ARFGEF2: variants seen among roughly 807,000 people sequenced by gnomAD.
ARFGEF2 encodes the protein brefeldin A-inhibited guanine nucleotide-exchange protein 2.
Under a neutral mutation model 219.9 loss-of-function variants are expected in ARFGEF2, and 74 were observed. The observed-to-expected ratio is 0.34, with a 90% confidence interval of 0.28 to 0.41. The LOEUF is 0.41. ARFGEF2 is among the 10% of genes least tolerant of loss of function. The pLI is 1.00. For synonymous variants in ARFGEF2, 733 were observed against 799.2 expected (o/e 0.92, Z 1.40); for missense variants, 1,743 against 2,218.3 (o/e 0.79, Z 4.30).
rs889149743 is a variant in ARFGEF2 at position 48,921,787 on chromosome 20, G to A, written c.-103G>A. The A allele has an allele frequency of 2.6e-6, 3 of 1,149,024 alleles. No individual in the cohort carries two copies. Among genetic ancestry groups the A allele is most frequent in the Non-Finnish European group, 3.2e-6 (3 of 925,656 alleles). The allele number at this position is 1,149,024 out of a possible 1,614,324, so 71.2% of individuals were successfully genotyped here. A position where few individuals can be genotyped will look rare whatever the true frequency, so the allele number is the denominator to read the frequency against. On this transcript the variant is annotated 5_prime_UTR_variant, in exon 1 of 39. Transcript: ENST00000371917. Reference sequence around the variant, plus strand: ...CGCTTCCTGACGGGGCGGCGCGGACGGACGCGGCCGGTGCCGGCCGGGACG... The same window carrying A: ...CGCTTCCTGACGGGGCGGCGCGGACAGACGCGGCCGGTGCCGGCCGGGACG...
At chr20:48,946,903 G>A (rs759204319) in intron 3 of ARFGEF2, among the ~76,000 whole-genome samples, 6 of 151,992 alleles carry the variant, frequency 3.9e-5, no homozygotes, top group Non-Finnish European at 7.4e-5. Flanking sequence ...CTGGACTCAT[G>A]TAATCCTCCC....
At position 48,951,306 on chromosome 20, in the gene ARFGEF2, G is replaced by A. The variant is rs2091069476; in HGVS notation, c.277-17G>A. The A allele has an allele frequency of 3.1e-6, 5 of 1,613,786 alleles. No individual in the cohort carries two copies. The East Asian group carries it at 8.9e-5, about 29-fold the overall frequency. ...AGCCAAGCAGAAATGTATAATCTCT[G>A]TTCTTTCTCTCTTTAGAAACTCATC... is the stretch of plus-strand genomic sequence containing the variant. On this transcript the variant is annotated splice_polypyrimidine_tract_variant and intron_variant, in intron 3 of 38. Coordinates refer to ENST00000371917, the MANE Select transcript of ARFGEF2 (RefSeq NM_006420.3).
At chr20:48,971,091 C>T in intron 9 of ARFGEF2, 29 bp from the exon 10 acceptor site, 1 of 1,587,032 alleles carries the variant, frequency 6.3e-7, no homozygotes, top group Non-Finnish European at 8.7e-7. Flanking sequence ...TCTTTTAGCA[C>T]TGTTGTGGTT....
rs1225924537 is a variant in ARFGEF2 at position 48,941,190 on chromosome 20, C to T, written c.122-9C>T. On this transcript the variant is annotated splice_polypyrimidine_tract_variant and intron_variant, in intron 1 of 38. Coordinates refer to ENST00000371917, the MANE Select transcript of ARFGEF2 (RefSeq NM_006420.3). ...TTTCCTAATGTGTTTTTTCTTCCTT[C>T]CTTACCAGATGAAATTAAAGCAGAA... 1 of 1,612,532 alleles carries T rather than the reference C, an allele frequency of 6.2e-7. No individual in the cohort carries two copies. Among genetic ancestry groups the T allele is most frequent in the Non-Finnish European group, 8.5e-7 (1 of 1,179,084 alleles).
At position 48,953,676 on chromosome 20, in the gene ARFGEF2, C is replaced by T; in HGVS notation, c.724C>T (p.Pro242Ser). The change falls in exon 6 of 39, where the codon CCA becomes TCA. Residue 242 changes from proline to serine, a missense_variant. Physicochemically the swap from Pro to Ser is moderately conservative, Grantham distance 74. This residue lies in a region of ARFGEF2 where 394 missense variants were observed against 426.6 expected (regional missense o/e 0.92). Coordinates refer to ENST00000371917, the MANE Select transcript of ARFGEF2 (RefSeq NM_006420.3). The stretch of plus-strand genomic sequence containing the variant: ...GAAGCACAGTCAGGCACAAAGCAAA[C>T]CAACAACTCCCGAAAAAACAGATTT... ...RLKHSQAQSK[P>S]TTPEKTDLTN... is the part of the protein sequence containing the mutation. 1 of 1,614,164 alleles carries T rather than the reference C, an allele frequency of 6.2e-7. No homozygotes were observed. Among genetic ancestry groups the T allele is most frequent in the Non-Finnish European group, 8.5e-7 (1 of 1,180,044 alleles).
At chr20:48,982,062 G>A (rs151300905) in intron 14 of ARFGEF2, among the ~76,000 whole-genome samples, 2 of 152,246 alleles carry the variant, frequency 1.3e-5, no homozygotes, top group East Asian at 3.9e-4. Flanking sequence ...GAAAAGAGGT[G>A]CTCTGGTTTT....
At chr20:49,023,531 T>G (rs536189993) in intron 35 of ARFGEF2, among the ~76,000 whole-genome samples, 11 of 63,252 alleles carry the variant, frequency 1.7e-4, no homozygotes, top group African/African-American at 9.8e-4. Flanking sequence ...TGGTTTTTTT[T>G]TTTTTGTTTT....
At chr20:49,014,506 C>G (rs919856050) in intron 30 of ARFGEF2, among the ~76,000 whole-genome samples, 1 of 151,914 alleles carries the variant, frequency 6.6e-6, no homozygotes, top group Non-Finnish European at 1.5e-5. Flanking sequence ...CTTCTCTCAC[C>G]GCAACATAAA....
chr20:48,986,263 A>G (rs1263189246), intron 16 of ARFGEF2, among the ~76,000 whole-genome samples: 2 of 152,184 alleles, frequency 1.3e-5, no homozygotes. Context: ...TGAGAGATTG[A>G]GCAACCTGTC....
At chr20:49,024,215 T>C (rs2091586744) in intron 35 of ARFGEF2, among the ~76,000 whole-genome samples, 1 of 151,418 alleles carries the variant, frequency 6.6e-6, no homozygotes. Context: ...TCAAGCAATC[T>C]GCCCACCTCA....
rs751092841 is a variant in ARFGEF2, at chr20:49,036,526, A to G, written c.*3327A>G. On this transcript the variant is annotated 3_prime_UTR_variant, in exon 39 of 39. Transcript: ENST00000371917. The stretch of plus-strand genomic sequence containing the variant: ...AAGTGCATTTAATATTGGTAATTTA[A>G]TGAAAACCATTCCTTGCCCAATGGA... 14 of 304,938 alleles carry G rather than the reference A, an allele frequency of 4.6e-5. No individual in the cohort carries two copies. Among genetic ancestry groups the G allele is most frequent in the Non-Finnish European group, 7.7e-5 (13 of 168,670 alleles). The allele number at this position is 304,938 out of a possible 1,614,324, so 18.9% of individuals were successfully genotyped here.
At chr20:49,022,061 G>A (rs182352866) in intron 34 of ARFGEF2, among the ~76,000 whole-genome samples, 45 of 149,492 alleles carry the variant, frequency 3.0e-4, no homozygotes, top group African/African-American at 9.7e-4. Context: ...AGGCTGAGGC[G>A]GGAGAATCAC....
At chr20:48,973,618 C>G (rs536131273) in intron 12 of ARFGEF2, among the ~76,000 whole-genome samples, 1 of 152,242 alleles carries the variant, frequency 6.6e-6, no homozygotes, top group Non-Finnish European at 1.5e-5. Flanking sequence ...GTCACCCTTC[C>G]AAAGATAGCG....
intron 7 of ARFGEF2, among the ~76,000 whole-genome samples, chr20:48,965,047 A>G (rs919574795): frequency 6.6e-6 from 1 of 152,226 alleles, no homozygotes; most frequent in Non-Finnish European, 1.5e-5. Flanking sequence ...GGTACCACAA[A>G]GCTATATACA....
rs1408379261 is a variant in ARFGEF2 at position 49,035,287 on chromosome 20, C to A, written c.*2088C>A. The stretch of plus-strand genomic sequence containing the variant: ...TTCTGCCCTCTCTTTAATTTTGCCT[C>A]TTGAGGGGTAGCAGATGTGTCAGTG... On this transcript the variant is annotated 3_prime_UTR_variant, in exon 39 of 39. Transcript: ENST00000371917. The A allele has an allele frequency of 2.0e-5, 3 of 152,138 alleles. No homozygotes were observed. The highest frequency in any genetic ancestry group is 2.9e-5 in the Non-Finnish European group (2 of 68,040). The allele number at this position is 152,138 out of a possible 1,614,324, so 9.4% of individuals were successfully genotyped here. A position where few individuals can be genotyped will look rare whatever the true frequency, so the allele number is the denominator to read the frequency against.
At chr20:49,000,593 A>T (rs1204997181) in intron 25 of ARFGEF2, among the ~76,000 whole-genome samples, 1 of 152,212 alleles carries the variant, frequency 6.6e-6, no homozygotes, top group Non-Finnish European at 1.5e-5. Context: ...GAAATAATTG[A>T]TGTGAATTTG....
chr20:48,975,592 G>A (rs544941951), intron 13 of ARFGEF2, among the ~76,000 whole-genome samples: 1 of 152,108 alleles, frequency 6.6e-6, no homozygotes, highest in East Asian at 1.9e-4. Flanking sequence ...ACGAGGTCAG[G>A]TGTTCAAGAC....
chr20:48,925,126 T>G (rs1054924307), intron 1 of ARFGEF2, among the ~76,000 whole-genome samples: 2 of 152,204 alleles, frequency 1.3e-5, no homozygotes, highest in African/African-American at 4.8e-5. Flanking sequence ...CTAAACTCAA[T>G]GAAGACAGGG....
intron 23 of ARFGEF2, among the ~76,000 whole-genome samples, chr20:48,997,636 A>C (rs532411999): frequency 6.6e-6 from 1 of 152,058 alleles, no homozygotes; most frequent in Non-Finnish European, 1.5e-5. Context: ...CTTTCAACTC[A>C]GTTCACTTTC....
Sources: gnomAD v4.1 joint callset for allele counts (sites outside exome capture counted in the v4.1 genomes callset) on GRCh38, gnomAD v4.1.1 for gene constraint, gnomAD v4.1.1 regional missense constraint, MANE v1.5 for transcripts, NCBI Gene and HGNC (gene_info 2026-07-23, HGNC 2026-07-21) for gene names.